Variants in TMOD3 observed in about 807,000 individuals in gnomAD.
TMOD3 encodes the protein tropomodulin-3.
In TMOD3, 20 loss-of-function variants were observed where a neutral mutation model predicts 39.2. That is an observed-to-expected ratio of 0.51 (90% confidence interval 0.36 to 0.74). The LOEUF is 0.74. Among genes scored for constraint, TMOD3 ranks in the 30% least tolerant of loss-of-function variants. The probability of loss-of-function intolerance (pLI) is 0.00; values close to 1 mark genes in which losing one functional copy is unlikely to be tolerated. For missense variants in TMOD3, 381 were observed against 412.8 expected, an observed-to-expected ratio of 0.92 and a Z score of 0.67; for synonymous variants, 143 against 145.8, an observed-to-expected ratio of 0.98 and a Z score of 0.14.
At chr15:51,893,764 C>G (rs1219746581) in intron 5 of TMOD3, 51 bp from the exon 6 acceptor site, 19 of 1,244,522 alleles carry the variant, frequency 1.5e-5, no homozygotes, top group Non-Finnish European at 2.0e-5. Flanking sequence ...GACTCCGTCT[C>G]AAAAAAAAAA....
chr15:51,888,362 A>G (rs1356814339), intron 4 of TMOD3, among the ~76,000 whole-genome samples: 1 of 152,198 alleles, frequency 6.6e-6, no homozygotes, highest in Non-Finnish European at 1.5e-5. Flanking sequence ...AGGACCTTGG[A>G]AAGGGACAAG....
intron 1 of TMOD3, chr15:51,859,707 G>A: frequency 2.1e-6 from 1 of 483,284 alleles, no homozygotes; most frequent in Non-Finnish European, 4.1e-6. Context: ...TCCTCAAAAA[G>A]CATGGCTATG....
At position 51,908,763 on chromosome 15, in the gene TMOD3, A is replaced by G. The variant is rs1435242717; in HGVS notation, c.1025-13A>G. 1 of 1,591,286 alleles carries G rather than the reference A, an allele frequency of 6.3e-7. No individual in the cohort carries two copies. Among genetic ancestry groups the G allele is most frequent in the Admixed American group, 1.8e-5 (1 of 55,602 alleles). On this transcript the variant is annotated splice_polypyrimidine_tract_variant and intron_variant, in intron 9 of 9. Transcript: ENST00000308580. The stretch of plus-strand genomic sequence containing the variant: ...AGGGATTTCTAACATAGTTTCTTTT[A>G]TTTTTCTCATAGTGCGTAAGAGACG...
In TMOD3 at chr15:51,888,269, A is replaced by G. The variant is rs190217905; in HGVS notation, c.406+558A>G. On this transcript the variant is annotated intron_variant, in intron 4 of 9. Transcript: ENST00000308580. The stretch of plus-strand genomic sequence containing the variant: ...GTACAATCTACTTTCCTAGATAGAA[A>G]AGTGTGATGCATGGGGAGTTCTTCA... Among the ~76,000 whole-genome samples, 4 of 152,296 alleles carry G rather than the reference A, an allele frequency of 2.6e-5. No individual in the cohort carries two copies. In the East Asian group the frequency reaches 5.8e-4, roughly 22 times the overall value.
chr15:51,842,069 C>A (rs1369149883), intron 1 of TMOD3, among the ~76,000 whole-genome samples: 1 of 152,230 alleles, frequency 6.6e-6, no homozygotes, highest in Non-Finnish European at 1.5e-5. Context: ...AGCCACTGTG[C>A]CTGGCCTGGT....
At chr15:51,842,190 G>T (rs959741566) in intron 1 of TMOD3, among the ~76,000 whole-genome samples, 1 of 152,152 alleles carries the variant, frequency 6.6e-6, no homozygotes, top group African/African-American at 2.4e-5. Flanking sequence ...TTCTGCTTCT[G>T]TGCCAGAGGT....
At chr15:51,848,242 A>T (rs1333817250) in intron 1 of TMOD3, among the ~76,000 whole-genome samples, 1 of 152,220 alleles carries the variant, frequency 6.6e-6, no homozygotes, top group Non-Finnish European at 1.5e-5. Context: ...GTTTATAATT[A>T]GTGTTATTTA....
chr15:51,833,597 T>G (rs1356208102), intron 1 of TMOD3, among the ~76,000 whole-genome samples: 2 of 152,250 alleles, frequency 1.3e-5, no homozygotes, highest in East Asian at 3.8e-4. Context: ...GGTCTTGGAC[T>G]TCACATAAAT....
At chr15:51,887,478 G>A (rs543365537) in intron 3 of TMOD3, 111 bp from the exon 4 acceptor site, 10 of 1,113,728 alleles carry the variant, frequency 9.0e-6, no homozygotes, top group Middle Eastern at 2.6e-4. Flanking sequence ...AATTACTGTC[G>A]ATGTTAATCT....
At chr15:51,887,745 T>C (rs200533271) in intron 4 of TMOD3, 34 bp downstream of exon 4, 1 of 1,612,660 alleles carries the variant, frequency 6.2e-7, no homozygotes, top group South Asian at 1.1e-5. Flanking sequence ...TGTGAATAAG[T>C]GTGGGGTGGA....
In TMOD3 at chr15:51,875,165, C is replaced by G. The variant is rs1292305783; in HGVS notation, c.283+5792C>G. Reference sequence around the variant, plus strand: ...GTATGTGATTTCTTTGGAGGAAAGACAGACCTGATCCCTTAGTAAACCAGA... The same window carrying G: ...GTATGTGATTTCTTTGGAGGAAAGAGAGACCTGATCCCTTAGTAAACCAGA... On this transcript the variant is annotated intron_variant, in intron 3 of 9. Transcript: ENST00000308580. The G allele has an allele frequency of 3.9e-5, 6 of 152,288 alleles. No individual in the cohort carries two copies. The East Asian group carries it at 1.2e-3, about 29-fold the overall frequency. 9.4% of individuals were successfully genotyped at this position (152,288 alleles called of 1,614,324 possible). A position where few individuals can be genotyped will look rare whatever the true frequency, so the allele number is the denominator to read the frequency against.
In TMOD3 at chr15:51,869,393, A is replaced by C; in HGVS notation, c.283+20A>C. On this transcript the variant is annotated intron_variant, in intron 3 of 9. Transcript: ENST00000308580. ...AAAAAGGTAAGCCCCAGAATTTTAAAGTCATTATGTGGTAACACTTGATTT... is the reference window on the plus strand; with the variant it reads ...AAAAAGGTAAGCCCCAGAATTTTAACGTCATTATGTGGTAACACTTGATTT... 6.2e-7 allele frequency: 1 copy of C among 1,607,136 alleles called. No individual in the cohort carries two copies. Among genetic ancestry groups the C allele is most frequent in the Non-Finnish European group, 8.5e-7 (1 of 1,178,296 alleles).
At chr15:51,882,112 C>T (rs542367059) in intron 3 of TMOD3, among the ~76,000 whole-genome samples, 1 of 151,950 alleles carries the variant, frequency 6.6e-6, no homozygotes, top group Non-Finnish European at 1.5e-5. Flanking sequence ...CCAGGCTGGT[C>T]TCGATCTCCT....
At chr15:51,849,195 T>A (rs978861776) in intron 1 of TMOD3, among the ~76,000 whole-genome samples, 4 of 152,192 alleles carry the variant, frequency 2.6e-5, no homozygotes, top group Admixed American at 1.3e-4. Flanking sequence ...GAAATCAAAG[T>A]TGACTCCAAG....
chr15:51,903,394 A>C (rs1013880435), intron 9 of TMOD3, among the ~76,000 whole-genome samples: 2 of 152,272 alleles, frequency 1.3e-5, no homozygotes, highest in Non-Finnish European at 2.9e-5. Flanking sequence ...AAGACTTCTC[A>C]AAAGGAGTGA....
chr15:51,830,936 A>C (rs1009220236), intron 1 of TMOD3, among the ~76,000 whole-genome samples: 8 of 152,232 alleles, frequency 5.3e-5, no homozygotes, highest in South Asian at 2.1e-4. Context: ...GAAAGGAACA[A>C]AACGAATTAA....
intron 1 of TMOD3, among the ~76,000 whole-genome samples, chr15:51,847,130 G>T (rs981434130): frequency 6.6e-5 from 10 of 152,196 alleles, no homozygotes; most frequent in African/African-American, 2.4e-4. Context: ...TCTCAGCAGG[G>T]TCTTGTTGAA....
chr15:51,864,971 A>C (rs769256496), intron 2 of TMOD3, among the ~76,000 whole-genome samples: 2 of 152,058 alleles, frequency 1.3e-5, no homozygotes, highest in Non-Finnish European at 2.9e-5. Flanking sequence ...AAGCATCATA[A>C]AACTCAGAAA....
At chr15:51,863,942 C>G (rs181546272) in intron 2 of TMOD3, among the ~76,000 whole-genome samples, 2 of 152,200 alleles carry the variant, frequency 1.3e-5, no homozygotes, top group East Asian at 1.9e-4. Flanking sequence ...GTAGGCAGTT[C>G]AATCTATTAG....
Sources: gnomAD v4.1 joint callset for allele counts (sites outside exome capture counted in the v4.1 genomes callset) on GRCh38, gnomAD v4.1.1 for gene constraint, MANE v1.5 for transcripts, NCBI Gene and HGNC (gene_info 2026-07-23, HGNC 2026-07-21) for gene names.